The following LTAP1 variants were observed in gnomAD, a reference collection of about 807,000 sequenced individuals.
The protein encoded by LTAP1 is lipid transport auxiliary protein 1.
chr1:154,217,152 T>A, the LTAP1 span, among the ~76,000 whole-genome samples: 1 of 151,398 alleles, frequency 6.6e-6, no homozygotes, highest in Non-Finnish European at 1.5e-5. Context: ...TTTCACCGTG[T>A]TGGCCAGGCT....
chr1:154,212,251 C>A, the LTAP1 span: 2 of 1,502,534 alleles, frequency 1.3e-6, no homozygotes, highest in South Asian at 2.3e-5. Context: ...TTATGAAGGT[C>A]ACTGCACTGT....
the LTAP1 span, chr1:154,220,558 C>T: frequency 4.0e-6 from 3 of 740,806 alleles, no homozygotes; most frequent in Admixed American, 7.5e-5. Flanking sequence ...GGCCTGAAAA[C>T]ATGGCGGACA....
chr1:154,214,739 G>C, the LTAP1 span, among the ~76,000 whole-genome samples: 3 of 152,146 alleles, frequency 2.0e-5, no homozygotes, highest in African/African-American at 2.4e-5. Context: ...AGGAAAGAAC[G>C]GGATTGGGTT....
chr1:154,219,119 A>C, the LTAP1 span, among the ~76,000 whole-genome samples: 3 of 152,186 alleles, frequency 2.0e-5, no homozygotes, highest in Non-Finnish European at 4.4e-5. Flanking sequence ...AAGACTAAAG[A>C]AGCAGAATGA....
the LTAP1 span, chr1:154,219,809 T>C: frequency 1.3e-6 from 2 of 1,486,480 alleles, no homozygotes; most frequent in Non-Finnish European, 1.8e-6. Flanking sequence ...TGGAGAAGTA[T>C]GTTTAACTTG....
At chr1:154,218,597 G>A in the LTAP1 span, among the ~76,000 whole-genome samples, 4 of 152,214 alleles carry the variant, frequency 2.6e-5, no homozygotes, top group East Asian at 7.7e-4. Flanking sequence ...AGGGAGTCAT[G>A]AGCTCTAGCT....
the LTAP1 span, chr1:154,207,279 GGT>G: frequency 1.7e-6 from 1 of 597,344 alleles, no homozygotes; most frequent in Non-Finnish European, 3.0e-6. Flanking sequence ...CATAAGGAAG[GGT>G]TGGGGAATTA....
the LTAP1 span, chr1:154,219,977 G>GTT: frequency 7.1e-7 from 1 of 1,413,254 alleles, no homozygotes; most frequent in Non-Finnish European, 9.5e-7. Context: ...TAAAAAGTCA[G>GTT]TTTTGTTTTG....
chr1:154,214,782 A>G, the LTAP1 span, among the ~76,000 whole-genome samples: 1 of 152,322 alleles, frequency 6.6e-6, no homozygotes, highest in African/African-American at 2.4e-5. Flanking sequence ...CACATCTCTA[A>G]GCTAGAACAT....
the LTAP1 span, among the ~76,000 whole-genome samples, chr1:154,213,659 A>C: frequency 6.6e-6 from 1 of 152,242 alleles, no homozygotes; most frequent in Non-Finnish European, 1.5e-5. Context: ...ATGAAACTAA[A>C]GGTCTCAAGA....
chr1:154,219,667 G>A, the LTAP1 span, among the ~76,000 whole-genome samples: 84,647 of 152,122 alleles, frequency 0.56, 24,499 homozygotes, highest in East Asian at 0.96. Context: ...GCACTGAGCA[G>A]GTAAGCCAAG....
chr1:154,212,569 G>A, the LTAP1 span: 29 of 1,614,090 alleles, frequency 1.8e-5, no homozygotes, highest in Admixed American at 4.7e-4. Context: ...GGTAGGAGCG[G>A]AAATTCTTGC....
chr1:154,213,946 C>A, the LTAP1 span: 1 of 1,612,378 alleles, frequency 6.2e-7, no homozygotes, highest in Non-Finnish European at 8.5e-7. Flanking sequence ...GTTGTAGCAA[C>A]CTGTTGAGGA....
chr1:154,212,738 T>G, the LTAP1 span: 1 of 1,140,790 alleles, frequency 8.8e-7, no homozygotes, highest in Non-Finnish European at 1.3e-6. Flanking sequence ...CTTGGCTCAC[T>G]GCAACCTCCA....
chr1:154,213,681 A>G, the LTAP1 span, among the ~76,000 whole-genome samples: 1 of 152,356 alleles, frequency 6.6e-6, no homozygotes, highest in South Asian at 2.1e-4. Context: ...AAGAACTTTA[A>G]AAAACAAAAC....
At chr1:154,211,326 T>TC in the LTAP1 span, among the ~76,000 whole-genome samples, 1 of 67,040 alleles carries the variant, frequency 1.5e-5, no homozygotes, top group Admixed American at 1.3e-4. Flanking sequence ...ATTTAATTCT[T>TC]TTTTTTTTTT....
chr1:154,212,640 C>T, the LTAP1 span: 2 of 1,613,242 alleles, frequency 1.2e-6, no homozygotes, highest in Non-Finnish European at 1.7e-6. Context: ...GAGAAAACAG[C>T]ACAATGATAT....
the LTAP1 span, among the ~76,000 whole-genome samples, chr1:154,212,912 ATCTG>A: frequency 6.6e-6 from 1 of 152,016 alleles, no homozygotes; most frequent in East Asian, 2.0e-4. Context: ...GCCTCCTGTG[ATCTG>A]TCTGCCTCGC....
chr1:154,212,672 T>G, the LTAP1 span: 7 of 1,606,910 alleles, frequency 4.4e-6, no homozygotes, highest in Non-Finnish European at 6.0e-6. Flanking sequence ...CTTTAGTCTT[T>G]TTTTTTGAGA....
Sources: allele counts gnomAD v4.1 joint callset (sites outside exome capture counted in the v4.1 genomes callset), GRCh38; gene constraint gnomAD v4.1.1; transcripts MANE v1.5; gene names NCBI Gene and HGNC (gene_info 2026-07-23, HGNC 2026-07-21).